Variants in TBC1D5 observed in about 807,000 individuals in gnomAD.
The protein encoded by TBC1D5 is TBC1 domain family member 5, also known as TBC1 domain family, member 5.
A neutral mutation model predicts 100.3 loss-of-function variants in TBC1D5; 75 were observed. The ratio of observed to expected loss-of-function variants is 0.75; its 90% confidence interval spans 0.62 to 0.91. The LOEUF (loss-of-function observed/expected upper bound fraction) is 0.91, where lower values mean the gene tolerates loss of function less well. Among genes scored for constraint, TBC1D5 ranks in the 40% least tolerant of loss-of-function variants. The pLI is 0.00. For missense variants in TBC1D5, 910 were observed against 942.4 expected (o/e 0.97, Z 0.45); for synonymous variants, 323 against 325.6 (o/e 0.99, Z 0.09).
At chr3:17,166,927 A>G in exon 21 of TBC1D5, 1 of 1,594,918 alleles carries the variant, frequency 6.3e-7, no homozygotes, top group Non-Finnish European at 8.5e-7. Context: ...AATGTCTTTG[A>G]TCTATTTTCA....
At chr3:17,675,513 C>T (rs537250190) in intron 1 of TBC1D5, among the ~76,000 whole-genome samples, 8 of 152,236 alleles carry the variant, frequency 5.3e-5, no homozygotes, top group Non-Finnish European at 1.2e-4. Flanking sequence ...AACTTCACTG[C>T]AAACCAACCA....
intron 2 of TBC1D5, among the ~76,000 whole-genome samples, chr3:17,598,959 T>C (rs2060753230): frequency 1.3e-5 from 2 of 152,308 alleles, no homozygotes; most frequent in South Asian, 4.1e-4. Context: ...AACATAGCTT[T>C]AAGGGTCAGG....
At chr3:17,610,184 C>T (rs561603147) in intron 2 of TBC1D5, among the ~76,000 whole-genome samples, 173 of 152,138 alleles carry the variant, frequency 1.1e-3, no homozygotes, top group Non-Finnish European at 2.2e-3. Context: ...TCTGGCGTCT[C>T]TTCCCACTTT....
chr3:17,461,983 T>C (rs542710212), intron 3 of TBC1D5, among the ~76,000 whole-genome samples: 10 of 152,288 alleles, frequency 6.6e-5, no homozygotes, highest in Middle Eastern at 3.4e-3. Context: ...TTTTCCAATA[T>C]CTCAGGCAAA....
At chr3:17,717,087 A>G (rs2075299985) in intron 1 of TBC1D5, among the ~76,000 whole-genome samples, 1 of 152,152 alleles carries the variant, frequency 6.6e-6, no homozygotes, top group East Asian at 1.9e-4. Flanking sequence ...AAAAATCAAA[A>G]AAGGTTACAA....
At chr3:17,687,243 CTAAAAA>C (rs1420688046) in intron 1 of TBC1D5, among the ~76,000 whole-genome samples, 3 of 151,976 alleles carry the variant, frequency 2.0e-5, no homozygotes, top group Non-Finnish European at 4.4e-5. Flanking sequence ...AAAATGTTTT[CTAAAAA>C]TTTCATATAT....
intron 2 of TBC1D5, among the ~76,000 whole-genome samples, chr3:17,563,814 C>G (rs569139724): frequency 9.0e-4 from 136 of 151,836 alleles, no homozygotes; most frequent in African/African-American, 2.8e-3. Context: ...ACGGAGTCTC[C>G]CTCTGTTGCC....
intron 3 of TBC1D5, among the ~76,000 whole-genome samples, chr3:17,502,166 T>C (rs1483494971): frequency 6.7e-6 from 1 of 149,744 alleles, no homozygotes; most frequent in Non-Finnish European, 1.5e-5. Flanking sequence ...ATTTTTACTT[T>C]TCCTAATACT....
exon 22 of TBC1D5, chr3:17,160,920 G>A: frequency 6.3e-7 from 1 of 1,580,960 alleles, no homozygotes; most frequent in Non-Finnish European, 8.6e-7. Flanking sequence ...TGGGGCCACT[G>A]AAGGGTGGCT....
chr3:17,503,132 G>C (rs2095804823), intron 3 of TBC1D5, among the ~76,000 whole-genome samples: 2 of 149,572 alleles, frequency 1.3e-5, no homozygotes, highest in South Asian at 4.2e-4. Flanking sequence ...TCATATAAGG[G>C]AGCTTCATCC....
intron 9 of TBC1D5, among the ~76,000 whole-genome samples, chr3:17,381,435 A>G (rs1403562554): frequency 6.6e-6 from 1 of 152,092 alleles, no homozygotes; most frequent in Non-Finnish European, 1.5e-5. Flanking sequence ...AAAGGAAAAG[A>G]GGAAATAACA....
chr3:17,215,997 T>G (rs1370942648), intron 17 of TBC1D5, among the ~76,000 whole-genome samples: 1 of 152,080 alleles, frequency 6.6e-6, no homozygotes. Context: ...CCTCCCAGAG[T>G]GCAGAACCTA....
Position 17,425,897 on chromosome 3 carries a change from C to T in TBC1D5, c.167+2553G>A, listed in dbSNP as rs554108993. ...TAGATTTTCAAAGGCCTTTATTTTA[C>T]ATGTTTTAACCTGAGTCTTTAAAAC... On this transcript the variant is annotated intron_variant, in intron 4 of 21. Transcript: ENST00000253692. Among the ~76,000 whole-genome samples the T allele has an allele frequency of 2.0e-5, 3 of 152,214 alleles. No homozygotes were observed. The East Asian group carries it at 5.8e-4, about 29-fold the overall frequency.
At chr3:17,575,866 T>C (rs917510090) in intron 2 of TBC1D5, among the ~76,000 whole-genome samples, 4 of 152,154 alleles carry the variant, frequency 2.6e-5, no homozygotes, top group African/African-American at 9.7e-5. Flanking sequence ...TCAACATCAC[T>C]GGTACTTCAA....
At chr3:17,514,280 CACAA>C (rs1311156130) in intron 2 of TBC1D5, among the ~76,000 whole-genome samples, 1 of 152,130 alleles carries the variant, frequency 6.6e-6, no homozygotes. Context: ...GTCTGTTTCT[CACAA>C]GATAAGTGCA....
intron 1 of TBC1D5, among the ~76,000 whole-genome samples, chr3:17,668,493 C>G (rs4589965): frequency 6.6e-6 from 1 of 151,746 alleles, no homozygotes; most frequent in Non-Finnish European, 1.5e-5. Flanking sequence ...AAGTAATAAA[C>G]AATTATGTTT....
intron 13 of TBC1D5, among the ~76,000 whole-genome samples, chr3:17,309,168 C>A (rs2150574085): frequency 2.0e-5 from 3 of 151,670 alleles, no homozygotes; most frequent in African/African-American, 7.2e-5. Context: ...CAAATATAAC[C>A]ATTTGTGGGG....
chr3:17,717,121 G>A (rs2075303443), intron 1 of TBC1D5, among the ~76,000 whole-genome samples: 1 of 152,010 alleles, frequency 6.6e-6, no homozygotes, highest in South Asian at 2.1e-4. Context: ...CACCTAGCCA[G>A]TAAACAGTAC....
At chr3:17,294,898 G>C (rs1470666457) in intron 14 of TBC1D5, among the ~76,000 whole-genome samples, 1 of 152,136 alleles carries the variant, frequency 6.6e-6, no homozygotes, top group Non-Finnish European at 1.5e-5. Flanking sequence ...AATTACACAA[G>C]CTGATTTAAA....
Sources: allele counts gnomAD v4.1 joint callset (sites outside exome capture counted in the v4.1 genomes callset), GRCh38; gene constraint gnomAD v4.1.1; transcripts MANE v1.5; gene names NCBI Gene and HGNC (gene_info 2026-07-23, HGNC 2026-07-21).